RXFP1: variants seen among roughly 807,000 people sequenced by gnomAD.
RXFP1 encodes relaxin receptor 1.
In RXFP1, 73 loss-of-function variants were observed where a neutral mutation model predicts 89.8. The ratio of observed to expected loss-of-function variants is 0.81; its 90% CI spans 0.67 to 0.99. RXFP1 has a LOEUF of 0.99. RXFP1 is among the 50% of genes least tolerant of loss of function. The probability of loss-of-function intolerance (pLI) is 0.00; values close to 1 mark genes in which losing one functional copy is unlikely to be tolerated. For synonymous variants in RXFP1, 277 were observed against 305.5 expected (o/e 0.91, Z 0.97); for missense variants, 793 against 895.5 (o/e 0.89, Z 1.46).
At position 158,639,113 on chromosome 4, in the gene RXFP1, G is replaced by A. The variant is rs955120702; in HGVS notation, c.1044-147G>A. The stretch of plus-strand genomic sequence containing the variant: ...CACAATCAGAAGGAGGAGGATTTGG[G>A]GAAGTGGGTGGGTTGAGTATAATTA... On this transcript the variant is annotated intron_variant, in intron 13 of 17. Transcript: ENST00000307765. 9.4e-6 allele frequency: 5 copies of A among 533,206 alleles called. No individual in the cohort carries two copies. In the African/African-American group the frequency reaches 9.5e-5, roughly 10 times the overall value. 33.0% of individuals were successfully genotyped at this position (533,206 alleles called of 1,614,324 possible). A position where few individuals can be genotyped will look rare whatever the true frequency, so the allele number is the denominator to read the frequency against.
At chr4:158,619,232 A>G (rs1765152751) in intron 9 of RXFP1, among the ~76,000 whole-genome samples, 1 of 152,166 alleles carries the variant, frequency 6.6e-6, no homozygotes, top group Admixed American at 6.5e-5. Context: ...TTCCATTCCT[A>G]TAATACTGAT....
rs532121150 is a variant in RXFP1, at chr4:158,612,130, G to A, written c.537G>A (p.Leu179=). The A allele has an allele frequency of 5.6e-6, 9 of 1,596,262 alleles. 1 individual carries two copies. The South Asian group carries it at 1.0e-4, about 18-fold the overall frequency. The stretch of plus-strand genomic sequence containing the variant: ...ATTGTAGTTATTTCTCCTTTTCCAG[G>A]TATCTCAGTCATAACAGAATAACCT... ...AFRGLNSLTK[L]YLSHNRITFL... The change falls in exon 7 of 18, where the codon CTG becomes CTA. Residue 179 remains leucine, a splice_region_variant and synonymous_variant. Coordinates refer to ENST00000307765, the MANE Select transcript of RXFP1 (RefSeq NM_021634.4).
chr4:158,534,472 C>A lies in RXFP1; in HGVS notation c.49+12447C>A, dbSNP rs559928860. Reference sequence around the variant, plus strand: ...ATGTTGGTCAGGTTGGTCTCGAACTCCTGACCTCAGGTGATCCGCCCGCCT... The same window carrying A: ...ATGTTGGTCAGGTTGGTCTCGAACTACTGACCTCAGGTGATCCGCCCGCCT... On this transcript the variant is annotated intron_variant, in intron 1 of 17. Coordinates refer to ENST00000307765, the MANE Select transcript of RXFP1 (RefSeq NM_021634.4). Among the ~76,000 whole-genome samples, 9 of 152,248 alleles carry A rather than the reference C, an allele frequency of 5.9e-5. No homozygotes were observed. The South Asian group carries it at 1.9e-3, about 32-fold the overall frequency.
In RXFP1 at chr4:158,645,157, A is replaced by G; in HGVS notation, c.1345+19A>G. ...CTCTGCTGTGAGTATTTCCTGGTTAAAGGAGAATTGTAGTTTTGAAATATA... is the reference window on the plus strand; with the variant it reads ...CTCTGCTGTGAGTATTTCCTGGTTAGAGGAGAATTGTAGTTTTGAAATATA... On this transcript the variant is annotated intron_variant, in intron 15 of 17. Transcript: ENST00000307765. 1 of 1,560,294 alleles carries G rather than the reference A, an allele frequency of 6.4e-7. No individual in the cohort carries two copies. Among genetic ancestry groups the G allele is most frequent in the Non-Finnish European group, 8.8e-7 (1 of 1,131,476 alleles).
At chr4:158,534,052 T>C (rs570138161) in intron 1 of RXFP1, among the ~76,000 whole-genome samples, 1 of 152,290 alleles carries the variant, frequency 6.6e-6, no homozygotes, top group African/African-American at 2.4e-5. Context: ...GAGTAAGGAA[T>C]AGTCTCACAT....
At chr4:158,577,038 TC>T (rs1756394475) in intron 2 of RXFP1, among the ~76,000 whole-genome samples, 1 of 152,058 alleles carries the variant, frequency 6.6e-6, no homozygotes, top group South Asian at 2.1e-4. Context: ...TTCTTCTTCT[TC>T]TTTCTTCTTT....
At chr4:158,592,434 C>G (rs550691769) in intron 2 of RXFP1, among the ~76,000 whole-genome samples, 2 of 151,880 alleles carry the variant, frequency 1.3e-5, no homozygotes, top group African/African-American at 4.8e-5. Context: ...ATTTGCTAGG[C>G]GTGGTGGCGG....
chr4:158,542,642 C>T (rs1280155197), intron 1 of RXFP1, among the ~76,000 whole-genome samples: 1 of 152,208 alleles, frequency 6.6e-6, no homozygotes, highest in Non-Finnish European at 1.5e-5. Context: ...AAAAACATCA[C>T]ATTTATCTAT....
chr4:158,645,325 T>G lies in RXFP1; in HGVS notation c.1345+187T>G, dbSNP rs1293343477. Among the ~76,000 whole-genome samples, 3 of 152,356 alleles carry G rather than the reference T, an allele frequency of 2.0e-5. No homozygotes were observed. The South Asian group carries it at 6.2e-4, about 32-fold the overall frequency. Reference sequence around the variant, plus strand: ...TTTAGCAATAAAAAAATATGTTTTTTAAACTAGGAAATTTAATCACCTTAT... The same window carrying G: ...TTTAGCAATAAAAAAATATGTTTTTGAAACTAGGAAATTTAATCACCTTAT... On this transcript the variant is annotated intron_variant, in intron 15 of 17. Transcript: ENST00000307765.
At chr4:158,559,570 A>C (rs532147823) in intron 1 of RXFP1, among the ~76,000 whole-genome samples, 1 of 152,082 alleles carries the variant, frequency 6.6e-6, no homozygotes, top group East Asian at 1.9e-4. Flanking sequence ...GATTTAAAAA[A>C]TTTTTTCATA....
intron 16 of RXFP1, 83 bp downstream of exon 16, chr4:158,647,284 T>C: frequency 9.3e-7 from 1 of 1,079,270 alleles, no homozygotes; most frequent in East Asian, 2.5e-5. Flanking sequence ...GAGGGTGAAT[T>C]CTATCAGAAT....
chr4:158,647,789 G>A (rs973507809), intron 16 of RXFP1, among the ~76,000 whole-genome samples: 11 of 151,970 alleles, frequency 7.2e-5, no homozygotes, highest in East Asian at 5.8e-4. Flanking sequence ...AGGCCGAGGC[G>A]GGCCAATCAT....
chr4:158,619,131 A>G (rs1765133240), intron 9 of RXFP1, among the ~76,000 whole-genome samples: 1 of 152,136 alleles, frequency 6.6e-6, no homozygotes, highest in South Asian at 2.1e-4. Flanking sequence ...GTGAAAATGA[A>G]TGAATTATCA....
In RXFP1 at chr4:158,648,499, G is replaced by T; in HGVS notation, c.1757G>T (p.Gly586Val). ...AQIYSVAIFL[G>V]INLAAFIIIV... ...ATAATACTGTTTGTATTCCAAATAG[G>T]TATTAATTTGGCCGCATTTATCATC... Residue 586 changes from glycine (G) to valine (V), a missense_variant and splice_region_variant, in exon 17 of 18, where the codon GGT becomes GTT. Gly to Val is a moderately radical substitution (Grantham distance 109, BLOSUM62 -3). Coordinates refer to ENST00000307765, the MANE Select transcript of RXFP1 (RefSeq NM_021634.4). The T allele has an allele frequency of 1.3e-6, 2 of 1,550,598 alleles. No individual in the cohort carries two copies. The highest frequency in any genetic ancestry group is 1.8e-6 in the Non-Finnish European group (2 of 1,131,476).
intron 2 of RXFP1, among the ~76,000 whole-genome samples, chr4:158,573,466 A>G (rs1204497494): frequency 6.6e-6 from 1 of 152,084 alleles, no homozygotes. Context: ...ACAAATTCAT[A>G]AGGATTTTGA....
chr4:158,595,616 G>A (rs758326709), intron 3 of RXFP1, among the ~76,000 whole-genome samples: 6 of 152,112 alleles, frequency 3.9e-5, no homozygotes, highest in Non-Finnish European at 7.4e-5. Flanking sequence ...AAGGCATAGA[G>A]GAAGAAATCC....
At position 158,645,090 on chromosome 4, in the gene RXFP1, A is replaced by T; in HGVS notation, c.1297A>T (p.Ile433Phe). 1.2e-6 allele frequency: 2 copies of T among 1,614,148 alleles called. No individual in the cohort carries two copies. The highest frequency in any genetic ancestry group is 1.7e-6 in the Non-Finnish European group (2 of 1,179,988). ...NIFVICMRPY[I>F]RSENKLYAMS... ...TTTTGTCATTTGCATGCGACCTTATATCAGGTCTGAGAACAAGCTGTATGC... is the reference window on the plus strand; with the variant it reads ...TTTTGTCATTTGCATGCGACCTTATTTCAGGTCTGAGAACAAGCTGTATGC... Residue 433 changes from isoleucine to phenylalanine, a missense_variant, in exon 15 of 18, where the codon ATC becomes TTC. Transcript: ENST00000307765.
At chr4:158,602,717 C>T (rs778134760) in intron 4 of RXFP1, among the ~76,000 whole-genome samples, 2 of 152,066 alleles carry the variant, frequency 1.3e-5, no homozygotes, top group Non-Finnish European at 2.9e-5. Flanking sequence ...AAATGGCAGG[C>T]ATTCAACACA....
intron 1 of RXFP1, among the ~76,000 whole-genome samples, chr4:158,549,403 C>T (rs911983983): frequency 1.7e-4 from 26 of 152,128 alleles, no homozygotes; most frequent in Admixed American, 1.1e-3. Flanking sequence ...TGAATTTCCT[C>T]CTGTAGTTTG....
Sources: gnomAD v4.1 joint callset for allele counts (sites outside exome capture counted in the v4.1 genomes callset) on GRCh38, gnomAD v4.1.1 for gene constraint, MANE v1.5 for transcripts, NCBI Gene and HGNC (gene_info 2026-07-23, HGNC 2026-07-21) for gene names.